Variants in HERC4 observed in about 807,000 individuals in gnomAD.
HERC4 encodes HECT and RLD domain containing E3 ubiquitin protein ligase 4, also known as probable E3 ubiquitin-protein ligase HERC4.
HERC4 carries 28 observed loss-of-function variants against 124.3 expected under a neutral mutation model. That is an observed-to-expected ratio of 0.23 (90% CI 0.17 to 0.31). The LOEUF (loss-of-function observed/expected upper bound fraction) is 0.31. HERC4 is among the 10% of genes least tolerant of loss of function. HERC4 has a pLI of 1.00. For missense variants in HERC4, 713 were observed against 1,229.3 expected, an observed-to-expected ratio of 0.58 and a Z score of 6.28; for synonymous variants, 407 against 421.5, an observed-to-expected ratio of 0.97 and a Z score of 0.42.
At chr10:67,944,682 C>T (rs1048491811) in intron 19 of HERC4, among the ~76,000 whole-genome samples, 1 of 152,152 alleles carries the variant, frequency 6.6e-6, no homozygotes, top group East Asian at 1.9e-4. Context: ...TTCAAAATAG[C>T]TGTTTTGAGG....
At chr10:68,039,356 G>C (rs774472918) in intron 4 of HERC4, 2 of 1,482,252 alleles carry the variant, frequency 1.3e-6, no homozygotes, top group Admixed American at 5.3e-5. Flanking sequence ...AAGAAAAAAC[G>C]GGGGATGGGG....
chr10:68,006,349 G>A (rs919895114), intron 9 of HERC4, among the ~76,000 whole-genome samples: 2 of 150,736 alleles, frequency 1.3e-5, no homozygotes, highest in African/African-American at 4.9e-5. Context: ...TTGATGAAAC[G>A]CCTCAGCGTT....
intron 9 of HERC4, chr10:67,993,695 G>A (rs929071230): frequency 6.6e-6 from 1 of 152,108 alleles, no homozygotes; most frequent in Admixed American, 6.5e-5. Context: ...GCCCCAAAGT[G>A]AATACATTAA....
intron 23 of HERC4, among the ~76,000 whole-genome samples, chr10:67,927,430 AT>A (rs373401588): frequency 3.7e-4 from 14 of 37,922 alleles, no homozygotes; most frequent in South Asian, 1.0e-3. Flanking sequence ...ATATATATAT[AT>A]TTTTTTTTTT....
At chr10:67,925,817 G>A (rs534464287) in intron 23 of HERC4, among the ~76,000 whole-genome samples, 55 of 152,258 alleles carry the variant, frequency 3.6e-4, no homozygotes, top group Middle Eastern at 3.4e-3. Flanking sequence ...TATATGGAGA[G>A]AAGTACTCAT....
At chr10:67,960,817 G>C (rs1369977904) in intron 16 of HERC4, 5 of 261,684 alleles carry the variant, frequency 1.9e-5, no homozygotes, top group Non-Finnish European at 3.6e-5. Context: ...GGTTTTCCCA[G>C]TTCAAACTTG....
intron 8 of HERC4, among the ~76,000 whole-genome samples, chr10:68,019,663 T>A (rs111396531): frequency 1.5e-3 from 231 of 152,138 alleles, no homozygotes; most frequent in African/African-American, 5.2e-3. Context: ...AAGAGAAGAG[T>A]TGGATGGCAA....
chr10:67,989,947 C>T (rs1158749414), intron 14 of HERC4, among the ~76,000 whole-genome samples: 4 of 151,960 alleles, frequency 2.6e-5, no homozygotes, highest in Admixed American at 6.6e-5. Context: ...GAAAGGAATA[C>T]GGGTGACAGT....
At chr10:68,054,932 T>C (rs1013188966) in intron 3 of HERC4, among the ~76,000 whole-genome samples, 5 of 152,124 alleles carry the variant, frequency 3.3e-5, no homozygotes, top group Admixed American at 6.5e-5. Context: ...TTTTATGTTG[T>C]TTTTATTTTT....
rs2036592955 is a variant in HERC4 at position 67,992,235 on chromosome 10, C to T, written c.1235G>A (p.Ser412Asn). ...CACAGGAAACCTTCCAGAAGGATAG[C>T]TCAGCCATTTCTGAATTAGAGCTTC... The part of the protein sequence containing the change: ...VNEALIQKWL[S>N]YPSGRFPVEI... The change falls in exon 11 of 25, where the codon AGC (serine) becomes AAC (asparagine). Residue 412 changes from serine to asparagine, a missense_variant. Coordinates refer to ENST00000373700, the MANE Select transcript of HERC4 (RefSeq NM_015601.4). The T allele has an allele frequency of 6.2e-7, 1 of 1,613,930 alleles. No homozygotes were observed. Among genetic ancestry groups the T allele is most frequent in the Non-Finnish European group, 8.5e-7 (1 of 1,179,944 alleles).
chr10:68,010,827 G>C (rs2037905296), intron 9 of HERC4: 10 of 1,533,188 alleles, frequency 6.5e-6, no homozygotes, highest in Non-Finnish European at 9.0e-6. Flanking sequence ...TGCTTCAGGA[G>C]CTTGGCAAAT....
At chr10:67,955,828 A>G (rs1325654310) in intron 17 of HERC4, 4 of 152,212 alleles carry the variant, frequency 2.6e-5, no homozygotes, top group African/African-American at 9.7e-5. Context: ...GAAGCATTAC[A>G]CAAATTCACT....
intron 22 of HERC4, among the ~76,000 whole-genome samples, chr10:67,935,783 C>T (rs908995166): frequency 1.3e-5 from 2 of 152,172 alleles, no homozygotes; most frequent in Non-Finnish European, 2.9e-5. Flanking sequence ...TCTAGCATTT[C>T]CCCAAACACC....
chr10:67,955,448 G>A (rs1220162189), intron 17 of HERC4: 1 of 197,122 alleles, frequency 5.1e-6, no homozygotes, highest in Non-Finnish European at 1.0e-5. Flanking sequence ...GGAGGGTAAA[G>A]AGGGAGGAGC....
chr10:67,969,941 A>C (rs1200559404), intron 15 of HERC4, among the ~76,000 whole-genome samples: 2 of 152,204 alleles, frequency 1.3e-5, no homozygotes, highest in African/African-American at 4.8e-5. Context: ...ATACCAGTTT[A>C]CAACTGACAA....
chr10:68,042,235 C>T (rs1200631371), intron 4 of HERC4, among the ~76,000 whole-genome samples: 1 of 152,206 alleles, frequency 6.6e-6, no homozygotes, highest in Non-Finnish European at 1.5e-5. Context: ...TATTGAACTC[C>T]TGACCTTGTG....
At chr10:67,927,403 TATATATATA>T (rs2031152044) in intron 23 of HERC4, among the ~76,000 whole-genome samples, 2 of 20,694 alleles carry the variant, frequency 9.7e-5, no homozygotes, top group Non-Finnish European at 4.1e-4. Context: ...TATATATATA[TATATATATA>T]TATATATATA....
At chr10:68,022,645 T>C (rs535991560) in intron 8 of HERC4, among the ~76,000 whole-genome samples, 1 of 152,164 alleles carries the variant, frequency 6.6e-6, no homozygotes, top group Non-Finnish European at 1.5e-5. Flanking sequence ...AATGATTTCT[T>C]AGATATGACA....
At chr10:68,060,519 G>A (rs903662037) in intron 3 of HERC4, among the ~76,000 whole-genome samples, 7 of 152,224 alleles carry the variant, frequency 4.6e-5, no homozygotes, top group East Asian at 3.9e-4. Flanking sequence ...GAATACAGGC[G>A]TGAGCCACCG....
Sources: gnomAD v4.1 joint callset for allele counts (sites outside exome capture counted in the v4.1 genomes callset) on GRCh38, gnomAD v4.1.1 for gene constraint, MANE v1.5 for transcripts, NCBI Gene and HGNC (gene_info 2026-07-23, HGNC 2026-07-21) for gene names.